DISC1: variants seen among roughly 807,000 people sequenced by gnomAD.
DISC1 encodes the protein DISC1 scaffold protein, also known as disrupted in schizophrenia 1 protein.
In DISC1, 57 loss-of-function variants were observed where a neutral mutation model predicts 84.5. That is an observed-to-expected ratio of 0.67 (90% CI 0.55 to 0.84). DISC1 has a LOEUF of 0.84. DISC1 is among the 40% of genes least tolerant of loss of function. The probability of loss-of-function intolerance (pLI) is 0.00; values close to 1 mark genes in which losing one functional copy is unlikely to be tolerated. For synonymous variants in DISC1, 411 were observed against 415.2 expected (o/e 0.99, Z 0.12); for missense variants, 1,000 against 1,057.8 (o/e 0.95, Z 0.76).
At chr1:231,822,025 G>T (rs1030203029) in intron 9 of DISC1, among the ~76,000 whole-genome samples, 1 of 152,070 alleles carries the variant, frequency 6.6e-6, no homozygotes, top group Non-Finnish European at 1.5e-5. Context: ...AAGTTAAAAG[G>T]ACAGCCCTCA....
chr1:231,677,048 C>T (rs1248948554), intron 1 of DISC1, among the ~76,000 whole-genome samples: 4 of 152,256 alleles, frequency 2.6e-5, no homozygotes, highest in East Asian at 1.9e-4. Flanking sequence ...CTGGTCAGGG[C>T]GCACACATGT....
At position 232,032,071 on chromosome 1, in the gene DISC1, T is replaced by C. The variant is rs182814980; in HGVS notation, c.2426-4621T>C. On this transcript the variant is annotated intron_variant, in intron 12 of 12. Transcript: ENST00000439617. ...TTGCATTATACTTACCAGTGGAGCA[T>C]ACCAAATCCAAAAATCCCAAATCTG... 5.3e-5 allele frequency among the ~76,000 whole-genome samples: 8 copies of C among 152,334 alleles called. No homozygotes were observed. The East Asian group carries it at 1.5e-3, about 29-fold the overall frequency.
At chr1:232,030,940 C>G (rs1432410109) in intron 12 of DISC1, among the ~76,000 whole-genome samples, 1 of 152,078 alleles carries the variant, frequency 6.6e-6, no homozygotes, top group Non-Finnish European at 1.5e-5. Flanking sequence ...TGGCAAAACC[C>G]TGTCTCTATT....
At chr1:231,867,498 C>T (rs1053860721) in intron 9 of DISC1, among the ~76,000 whole-genome samples, 6 of 152,136 alleles carry the variant, frequency 3.9e-5, no homozygotes, top group Admixed American at 2.0e-4. Flanking sequence ...GAGCAGAGAG[C>T]GCCTGTTCCA....
At chr1:231,976,912 G>A (rs1305349512) in intron 10 of DISC1, among the ~76,000 whole-genome samples, 2 of 152,108 alleles carry the variant, frequency 1.3e-5, no homozygotes, top group African/African-American at 4.8e-5. Context: ...CGGATAATCT[G>A]CTATATACTT....
At position 231,675,178 on chromosome 1, in the gene DISC1, T is replaced by C. The variant is rs190792986; in HGVS notation, c.68-18648T>C. Among the ~76,000 whole-genome samples the C allele has an allele frequency of 5.9e-5, 9 of 152,220 alleles. No homozygotes were observed. Among genetic ancestry groups the C allele is most frequent in the African/African-American group, 2.2e-4 (9 of 41,544 alleles). ...ACGGCTAGTATGGGCTTTATACAGA[T>C]TCAGAGACATCCATGTGTGTCCTGC... On this transcript the variant is annotated intron_variant, in intron 1 of 12. Transcript: ENST00000439617. This position sits in a 1 kb window ranked among gnomAD's most constrained non-coding sequence, Gnocchi z 4.1.
At position 231,682,695 on chromosome 1, in the gene DISC1, G is replaced by A. The variant is rs183005861; in HGVS notation, c.68-11131G>A. On this transcript the variant is annotated intron_variant, in intron 1 of 12. Transcript: ENST00000439617. ...ATTTTAGAATAATTATAGATTTATC[G>A]CAAAGCTGCAAAGACAGCACAAAGT... Among the ~76,000 whole-genome samples, 57 of 152,240 alleles carry A rather than the reference G, an allele frequency of 3.7e-4. 1 individual carries two copies. The highest frequency in any genetic ancestry group is 2.3e-3 in the Admixed American group (35 of 15,292).
chr1:231,844,993 T>G (rs1484510062), intron 9 of DISC1, among the ~76,000 whole-genome samples: 2 of 151,812 alleles, frequency 1.3e-5, no homozygotes, highest in East Asian at 1.9e-4. Context: ...ATGTCTGGGT[T>G]TCGATAAGGG....
chr1:231,958,894 GATA>G lies in DISC1; in HGVS notation c.2042+12_2042+14del. 1 of 1,610,896 alleles carries G rather than the reference GATA, an allele frequency of 6.2e-7. No homozygotes were observed. The highest frequency in any genetic ancestry group is 1.7e-5 in the Admixed American group (1 of 59,552). On this transcript the variant is annotated splice_region_variant and intron_variant, in intron 10 of 12. Transcript: ENST00000439617. ...CTTAAGAATAAACTGTGCAGGTAAG[GATA>G]ATAATTTCTGTATTTCAGACTCCGT... is the stretch of plus-strand genomic sequence containing the variant.
chr1:231,886,540 AC>A (rs370659172), intron 9 of DISC1, among the ~76,000 whole-genome samples: 5 of 152,194 alleles, frequency 3.3e-5, no homozygotes, highest in Non-Finnish European at 7.3e-5. Flanking sequence ...TCCAGTTTGC[AC>A]GTGTGTCTAC....
chr1:231,665,472 A>C (rs966994455), intron 1 of DISC1, among the ~76,000 whole-genome samples: 17 of 152,256 alleles, frequency 1.1e-4, no homozygotes, highest in African/African-American at 4.1e-4. Context: ...TGAGATCTGC[A>C]CTGTGGTTGC....
chr1:231,662,436 C>A (rs948676154), intron 1 of DISC1, among the ~76,000 whole-genome samples: 2 of 152,318 alleles, frequency 1.3e-5, no homozygotes, highest in African/African-American at 4.8e-5. Context: ...GTTAATAGAA[C>A]CCTTGTTGGC....
At chr1:231,829,285 A>G (rs1361855514) in intron 9 of DISC1, among the ~76,000 whole-genome samples, 1 of 152,226 alleles carries the variant, frequency 6.6e-6, no homozygotes, top group Non-Finnish European at 1.5e-5. Context: ...AAAGATTATT[A>G]GTATAATAAC....
At chr1:231,920,131 C>T (rs1406795873) in intron 9 of DISC1, among the ~76,000 whole-genome samples, 1 of 152,164 alleles carries the variant, frequency 6.6e-6, no homozygotes, top group East Asian at 1.9e-4. Context: ...TGTCTCCAGA[C>T]CTTGCCAGAT....
At chr1:231,990,092 A>G (rs920079811) in intron 10 of DISC1, among the ~76,000 whole-genome samples, 1 of 151,994 alleles carries the variant, frequency 6.6e-6, no homozygotes, top group Non-Finnish European at 1.5e-5. Context: ...AGCCATGTCC[A>G]TCCTCACATC....
intron 1 of DISC1, among the ~76,000 whole-genome samples, chr1:231,629,925 A>G (rs1322836146): frequency 6.6e-6 from 1 of 152,120 alleles, no homozygotes; most frequent in African/African-American, 2.4e-5. Flanking sequence ...TACAATGGTG[A>G]CCTTTAAACA....
intron 9 of DISC1, among the ~76,000 whole-genome samples, chr1:231,832,823 C>A (rs113662008): frequency 0.23 from 33,964 of 146,332 alleles, 4,312 homozygotes; most frequent in Non-Finnish European, 0.26. Context: ...ACCTGTAAGG[C>A]TTGTCTGGTT....
chr1:231,747,699 A>G (rs190167737), intron 3 of DISC1, among the ~76,000 whole-genome samples: 5 of 151,990 alleles, frequency 3.3e-5, no homozygotes, highest in Admixed American at 3.3e-4. Flanking sequence ...GTAGTGTGAT[A>G]CCTCCAGTGT....
In DISC1 at chr1:231,666,809, TG is replaced by T. The variant is rs765564772; in HGVS notation, c.68-27016del. 2.7e-4 allele frequency among the ~76,000 whole-genome samples: 41 copies of T among 152,244 alleles called. 1 individual carries two copies. The highest frequency in any genetic ancestry group is 2.5e-3 in the South Asian group (12 of 4,824). On this transcript the variant is annotated intron_variant, in intron 1 of 12. Coordinates refer to ENST00000439617, the MANE Select transcript of DISC1 (RefSeq NM_018662.3). The stretch of plus-strand genomic sequence containing the variant: ...TGGGCTCTGAGGAGGACTGGCAACA[TG>T]TAGAATCTGGAGAGGAGAGGTCAGG...
Sources: allele counts gnomAD v4.1 joint callset (sites outside exome capture counted in the v4.1 genomes callset), GRCh38; gene constraint gnomAD v4.1.1; non-coding constraint Gnocchi (gnomAD v3.1); transcripts MANE v1.5; gene names NCBI Gene and HGNC (gene_info 2026-07-23, HGNC 2026-07-21).